ZNF430: variants seen among roughly 807,000 people sequenced by gnomAD.
ZNF430 encodes zinc finger protein 430.
ZNF430 carries 35 observed loss-of-function variants against 56.7 expected under a neutral mutation model. The observed-to-expected ratio is 0.62, with a 90% CI of 0.47 to 0.82. The LOEUF (loss-of-function observed/expected upper bound fraction) is 0.82. Ranked by LOEUF, ZNF430 falls within the 40% of genes least tolerant of loss-of-function variation. The pLI, the probability that ZNF430 is intolerant of heterozygous loss-of-function variation, is 0.00. For synonymous variants in ZNF430, 212 were observed against 224.3 expected (o/e 0.94, Z 0.49); for missense variants, 574 against 661.0 (o/e 0.87, Z 1.44).
chr19:21,040,818 C>A (rs574550560), intron 4 of ZNF430, among the ~76,000 whole-genome samples: 11 of 151,834 alleles, frequency 7.2e-5, no homozygotes, highest in Non-Finnish European at 1.5e-4. Flanking sequence ...ATATTGGAGT[C>A]CTGATGTTAT....
rs1407618410 is a variant in ZNF430 at position 21,052,741 on chromosome 19, G to GA, written c.323-3889dup. 5.3e-5 allele frequency among the ~76,000 whole-genome samples: 8 copies of GA among 152,090 alleles called. No individual in the cohort carries two copies. The East Asian group carries it at 1.5e-3, about 29-fold the overall frequency. On this transcript the variant is annotated intron_variant, in intron 4 of 4. Coordinates refer to ENST00000261560, the MANE Select transcript of ZNF430 (RefSeq NM_025189.4). ...CACTTTCAATCCTTTTTTGTCATTA[G>GA]ATTTTAGCTGAGTCTTGTAGAAAGG...
intron 4 of ZNF430, among the ~76,000 whole-genome samples, chr19:21,046,910 T>A (rs1968193582): frequency 6.6e-6 from 1 of 152,210 alleles, no homozygotes; most frequent in Non-Finnish European, 1.5e-5. Flanking sequence ...TTCTTCTGGA[T>A]GATATCCTGA....
At chr19:21,052,900 C>T (rs546830668) in intron 4 of ZNF430, among the ~76,000 whole-genome samples, 4 of 152,222 alleles carry the variant, frequency 2.6e-5, no homozygotes, top group South Asian at 2.1e-4. Context: ...TACAGGCACA[C>T]GCAGCACAGT....
intron 4 of ZNF430, among the ~76,000 whole-genome samples, chr19:21,048,998 C>T (rs1314357398): frequency 6.6e-6 from 1 of 151,810 alleles, no homozygotes; most frequent in African/African-American, 2.4e-5. Flanking sequence ...GAGTTTGAGA[C>T]CAGCCTGGCC....
chr19:21,026,933 G>A (rs113052026), intron 2 of ZNF430, among the ~76,000 whole-genome samples: 10,490 of 139,156 alleles, frequency 0.075, 447 homozygotes, highest in Non-Finnish European at 0.089. Flanking sequence ...AGGTTGAAGC[G>A]ATTCTCCTGC....
chr19:21,032,088 G>T (rs1319060444), intron 2 of ZNF430, among the ~76,000 whole-genome samples: 1 of 152,160 alleles, frequency 6.6e-6, no homozygotes, highest in African/African-American at 2.4e-5. Flanking sequence ...TTGGGGGAAA[G>T]CTGGGGTCCC....
chr19:21,042,656 C>T (rs879815887), intron 4 of ZNF430, among the ~76,000 whole-genome samples: 4 of 152,074 alleles, frequency 2.6e-5, no homozygotes, highest in South Asian at 4.2e-4. Context: ...GGCGTGGTGG[C>T]GGACGCCTGT....
At chr19:21,040,827 A>C (rs1968088634) in intron 4 of ZNF430, among the ~76,000 whole-genome samples, 1 of 152,086 alleles carries the variant, frequency 6.6e-6, no homozygotes, top group Admixed American at 6.6e-5. Flanking sequence ...TCCTGATGTT[A>C]TATATACATA....
intron 2 of ZNF430, among the ~76,000 whole-genome samples, chr19:21,024,421 C>T (rs1967753974): frequency 6.6e-6 from 1 of 152,112 alleles, no homozygotes; most frequent in African/African-American, 2.4e-5. Flanking sequence ...ACTGTAAGAA[C>T]CTTAAGGATT....
At position 21,057,664 on chromosome 19, in the gene ZNF430, T is replaced by C; in HGVS notation, c.1356T>C (p.Thr452=). 1.2e-6 allele frequency: 2 copies of C among 1,611,628 alleles called. No homozygotes were observed. The highest frequency in any genetic ancestry group is 2.2e-5 in the East Asian group (1 of 44,768). Residue 452 remains threonine (T), a synonymous_variant, in exon 5 of 5, where the codon ACT becomes ACC. Transcript: ENST00000261560. ...TTACTGCACATAAGATAATTCATACTGGAGAGAAACCCTACAAATGTGAAG... is the reference window on the plus strand; with the variant it reads ...TTACTGCACATAAGATAATTCATACCGGAGAGAAACCCTACAAATGTGAAG... ...SNLTAHKIIH[T]GEKPYKCEEC...
intron 2 of ZNF430, among the ~76,000 whole-genome samples, chr19:21,025,456 T>C (rs939464541): frequency 2.0e-5 from 3 of 152,196 alleles, no homozygotes; most frequent in Non-Finnish European, 4.4e-5. Flanking sequence ...TATCTTGTGC[T>C]GAACTCTTGT....
At chr19:21,049,815 C>G (rs891279359) in intron 4 of ZNF430, among the ~76,000 whole-genome samples, 1 of 151,866 alleles carries the variant, frequency 6.6e-6, no homozygotes, top group African/African-American at 2.4e-5. Context: ...AGTAAAATAA[C>G]TTTGAATTAA....
At chr19:21,047,032 C>T (rs1195557592) in intron 4 of ZNF430, among the ~76,000 whole-genome samples, 1 of 152,042 alleles carries the variant, frequency 6.6e-6, no homozygotes, top group African/African-American at 2.4e-5. Context: ...TCTCTCATTC[C>T]CGTTTATTCT....
At chr19:21,027,267 T>C (rs1967820674) in intron 2 of ZNF430, among the ~76,000 whole-genome samples, 1 of 152,194 alleles carries the variant, frequency 6.6e-6, no homozygotes, top group East Asian at 1.9e-4. Context: ...GTCCATTCAG[T>C]GTGTTGGCTG....
intron 2 of ZNF430, among the ~76,000 whole-genome samples, chr19:21,029,257 A>C (rs145290692): frequency 7.9e-5 from 12 of 152,302 alleles, no homozygotes; most frequent in Non-Finnish European, 1.5e-4. Context: ...TCCAAAAAAA[A>C]TTGGGGCCAC....
At chr19:21,051,319 GGTGATAT>G (rs1568591960) in intron 4 of ZNF430, among the ~76,000 whole-genome samples, 1 of 152,100 alleles carries the variant, frequency 6.6e-6, no homozygotes, top group African/African-American at 2.4e-5. Flanking sequence ...TTAAGTCCTA[GGTGATAT>G]TCCAGTATTT....
rs774881609 is a variant in ZNF430, at chr19:21,057,643, T to C, written c.1335T>C (p.Thr445=). 1 of 1,612,294 alleles carries C rather than the reference T, an allele frequency of 6.2e-7. No homozygotes were observed. The highest frequency in any genetic ancestry group is 1.1e-5 in the South Asian group (1 of 90,736). The change falls in exon 5 of 5, where the codon ACT becomes ACC. Residue 445 remains threonine, a synonymous_variant. Transcript: ENST00000261560. ...GKAFNESSNL[T]AHKIIHTGEK... Reference sequence around the variant, plus strand: ...CTTTTAATGAGTCCTCAAACCTTACTGCACATAAGATAATTCATACTGGAG... The same window carrying C: ...CTTTTAATGAGTCCTCAAACCTTACCGCACATAAGATAATTCATACTGGAG...
intron 2 of ZNF430, among the ~76,000 whole-genome samples, chr19:21,026,827 C>T (rs371009930): frequency 2.9e-3 from 200 of 68,704 alleles, no homozygotes; most frequent in South Asian, 4.1e-3. Flanking sequence ...CTTTTCTTTT[C>T]TTTTTTTTTT....
At chr19:21,036,637 C>T (rs1280925543) in intron 4 of ZNF430, 3 of 151,932 alleles carry the variant, frequency 2.0e-5, no homozygotes, top group Admixed American at 2.0e-4. Context: ...TCCCTCTCTA[C>T]AAAATGTTTT....
Sources: gnomAD v4.1 joint callset for allele counts (sites outside exome capture counted in the v4.1 genomes callset) on GRCh38, gnomAD v4.1.1 for gene constraint, MANE v1.5 for transcripts, NCBI Gene and HGNC (gene_info 2026-07-23, HGNC 2026-07-21) for gene names.